OBP2B: variants seen among roughly 807,000 people sequenced by gnomAD.
The protein encoded by OBP2B is odorant binding protein 2B.
Under a neutral mutation model 21.7 loss-of-function variants are expected in OBP2B, and 10 were observed. That is an observed-to-expected ratio of 0.46 (90% CI 0.28 to 0.78). The LOEUF is 0.78. Among genes scored for constraint, OBP2B ranks in the 30% least tolerant of loss-of-function variants. The pLI is 0.11. For missense variants in OBP2B, 153 were observed against 217.7 expected (o/e 0.70, Z 1.87); for synonymous variants, 73 against 91.5 (o/e 0.80, Z 1.16).
the OBP2B span, among the ~76,000 whole-genome samples, chr9:133,217,233 T>C: frequency 6.6e-6 from 1 of 152,214 alleles, no homozygotes; most frequent in Non-Finnish European, 1.5e-5. Flanking sequence ...TGTCCTGTGC[T>C]CGGGGGGCTT....
upstream of OBP2B, among the ~76,000 whole-genome samples, chr9:133,212,478 T>C (rs1833925927): frequency 2.0e-5 from 3 of 152,194 alleles, no homozygotes; most frequent in Non-Finnish European, 4.4e-5. Context: ...TAGAGGGTAG[T>C]CTCTGACCAC....
rs1833764217 is a variant in OBP2B at position 133,207,394 on chromosome 9, G to A, written c.278-58C>T. On this transcript the variant is annotated intron_variant, in intron 3 of 6. Transcript: ENST00000372034. ...GAGAGAACACTCGGGGCCACATGAA[G>A]AAACACTCGGGAATGTTTCAGCGGT... 5.1e-6 allele frequency: 6 copies of A among 1,177,524 alleles called. No individual in the cohort carries two copies. The Admixed American group carries it at 7.4e-5, about 14-fold the overall frequency. The allele number at this position is 1,177,524 out of a possible 1,614,324, so 72.9% of individuals were successfully genotyped here. A position where few individuals can be genotyped will look rare whatever the true frequency, so the allele number is the denominator to read the frequency against.
chr9:133,215,755 T>TA, the OBP2B span, among the ~76,000 whole-genome samples: 9 of 152,142 alleles, frequency 5.9e-5, no homozygotes, highest in African/African-American at 2.2e-4. Context: ...GGACAGACAA[T>TA]AAAGAATCCT....
chr9:133,216,498 C>G, the OBP2B span, among the ~76,000 whole-genome samples: 1 of 151,702 alleles, frequency 6.6e-6, no homozygotes, highest in South Asian at 2.1e-4. Context: ...AAAAAAAAAC[C>G]CTGCAACAAG....
the OBP2B span, among the ~76,000 whole-genome samples, chr9:133,215,199 C>T: frequency 6.6e-6 from 1 of 152,110 alleles, no homozygotes; most frequent in Non-Finnish European, 1.5e-5. Flanking sequence ...GATACCTAGG[C>T]ATAAGTTTAA....
At chr9:133,209,680 G>T (rs1324775643), upstream of OBP2B, among the ~76,000 whole-genome samples, 2 of 152,110 alleles carry the variant, frequency 1.3e-5, no homozygotes, top group Admixed American at 1.3e-4. The surrounding 1 kb of genome is among the most constrained non-coding windows in gnomAD (Gnocchi z 6.0). Flanking sequence ...CCAGAGAGAC[G>T]TGGGGCTGCT....
chr9:133,214,467 T>C, the OBP2B span, among the ~76,000 whole-genome samples: 1 of 152,242 alleles, frequency 6.6e-6, no homozygotes, highest in Non-Finnish European at 1.5e-5. Context: ...GGGAAATATG[T>C]GGGAATGGTG....
chr9:133,207,157 G>T, intron 4 of OBP2B, 69 bp downstream of exon 4: 2 of 1,090,880 alleles, frequency 1.8e-6, no homozygotes, highest in Non-Finnish European at 2.8e-6. Context: ...GCATGGTGGT[G>T]CTGGTTCCAC....
At chr9:133,222,086 C>T in the OBP2B span, among the ~76,000 whole-genome samples, 23 of 152,022 alleles carry the variant, frequency 1.5e-4, no homozygotes, top group African/African-American at 5.3e-4. Flanking sequence ...GAACCGCGCT[C>T]CAATGTGGAC....
chr9:133,214,410 T>C, the OBP2B span, among the ~76,000 whole-genome samples: 1 of 152,228 alleles, frequency 6.6e-6, no homozygotes, highest in Non-Finnish European at 1.5e-5. Context: ...TAAAAGACCA[T>C]TCAAACTTTC....
the OBP2B span, among the ~76,000 whole-genome samples, chr9:133,215,308 A>T: frequency 6.6e-6 from 1 of 152,246 alleles, no homozygotes; most frequent in Non-Finnish European, 1.5e-5. Flanking sequence ...ATATCCATGG[A>T]TTAGGAGACT....
chr9:133,207,189 G>A (rs781813362), intron 4 of OBP2B, 37 bp downstream of exon 4: 99 of 1,395,902 alleles, frequency 7.1e-5, no homozygotes, highest in Non-Finnish European at 7.8e-5. Flanking sequence ...GGCAGAGACC[G>A]TGGGGCAGGA....
At position 133,207,886 on chromosome 9, in the gene OBP2B, C is replaced by T. The variant is rs1192730311; in HGVS notation, c.277+247G>A. 9 of 1,528,602 alleles carry T rather than the reference C, an allele frequency of 5.9e-6. No homozygotes were observed. In the South Asian group the frequency reaches 7.2e-5, roughly 12 times the overall value. The allele number at this position is 1,528,602 out of a possible 1,614,324, so 94.7% of individuals were successfully genotyped here. On this transcript the variant is annotated intron_variant, in intron 3 of 6. Transcript: ENST00000372034. ...CCAATCCTCAGCTTCCTCAATGTGT[C>T]AATGGCTAGGGCCTCCCAGAGGGCA...
the OBP2B span, among the ~76,000 whole-genome samples, chr9:133,218,520 C>T: frequency 2.6e-5 from 4 of 152,158 alleles, no homozygotes; most frequent in African/African-American, 9.7e-5. Context: ...CAGGATGGTG[C>T]ACTGATTTCT....
At chr9:133,220,686 T>C in the OBP2B span, among the ~76,000 whole-genome samples, 1 of 152,118 alleles carries the variant, frequency 6.6e-6, no homozygotes, top group Non-Finnish European at 1.5e-5. Flanking sequence ...CCTAAAGATG[T>C]CCACATCCTC....
intron 5 of OBP2B, 87 bp downstream of exon 5, chr9:133,206,228 A>G: frequency 1.4e-6 from 2 of 1,408,742 alleles, no homozygotes; most frequent in Admixed American, 1.7e-5. Flanking sequence ...TGCGGGGGAC[A>G]TGGGAGGACA....
intron 3 of OBP2B, 118 bp downstream of exon 3, chr9:133,208,015 G>C (rs1410417524): frequency 1.3e-6 from 2 of 1,510,862 alleles, no homozygotes; most frequent in Non-Finnish European, 1.8e-6. Flanking sequence ...CCTCCTTGGA[G>C]GTGGGCAGAG....
intron 1 of OBP2B, among the ~76,000 whole-genome samples, chr9:133,208,885 G>A (rs183771132): frequency 0.012 from 1,854 of 152,092 alleles, 19 homozygotes; most frequent in Middle Eastern, 0.027. Context: ...CCAACCCTGC[G>A]AGACCTTCGG....
chr9:133,205,769 G>T, intron 6 of OBP2B, 148 bp downstream of exon 6: 1 of 1,075,008 alleles, frequency 9.3e-7, no homozygotes. Flanking sequence ...ACTGTGGGTG[G>T]GCAGACTCTG....
Sources: gnomAD v4.1 joint callset for allele counts (sites outside exome capture counted in the v4.1 genomes callset) on GRCh38, gnomAD v4.1.1 for gene constraint, Gnocchi (gnomAD v3.1) non-coding constraint, MANE v1.5 for transcripts, NCBI Gene and HGNC (gene_info 2026-07-23, HGNC 2026-07-21) for gene names.